Variants in ADAR observed in about 807,000 individuals in gnomAD.
ADAR encodes the protein double-stranded RNA-specific adenosine deaminase.
A neutral mutation model predicts 113.2 loss-of-function variants in ADAR; 41 were observed. That is an observed-to-expected ratio of 0.36 (90% CI 0.28 to 0.47). ADAR has a LOEUF of 0.47. Ranked by LOEUF, ADAR falls within the 20% of genes least tolerant of loss-of-function variation. ADAR has a pLI of 1.00. For synonymous variants in ADAR, 605 were observed against 572.6 expected (o/e 1.06, Z -0.81); for missense variants, 1,242 against 1,540.9 (o/e 0.81, Z 3.25).
intron 11 of ADAR, among the ~76,000 whole-genome samples, chr1:154,586,860 C>T (rs750624589): frequency 1.1e-4 from 16 of 151,842 alleles, no homozygotes; most frequent in African/African-American, 3.9e-4. Flanking sequence ...AGAGCATATG[C>T]GAGGGATGGG....
intron 1 of ADAR, among the ~76,000 whole-genome samples, chr1:154,623,040 T>G (rs1474797284): frequency 6.6e-6 from 1 of 150,524 alleles, no homozygotes; most frequent in Non-Finnish European, 1.5e-5. Context: ...TAGCTAAGGG[T>G]AGGAGATAAG....
chr1:154,610,840 A>AAAAAAAAAAAC (rs1698465389), upstream of ADAR, among the ~76,000 whole-genome samples: 1 of 144,796 alleles, frequency 6.9e-6, no homozygotes. Flanking sequence ...AAAAAAAAAA[A>AAAAAAAAAAAC]AGACAAAATT....
chr1:154,596,663 G>C, intron 6 of ADAR, 142 bp downstream of exon 6: 1 of 862,124 alleles, frequency 1.2e-6, no homozygotes, highest in Non-Finnish European at 1.9e-6. Context: ...TGTCTTCTAA[G>C]AGGCCGTGGA....
In ADAR at chr1:154,590,135, A is replaced by AGGCGGGGGGGGGGGGGGG; in HGVS notation, c.2496+48_2496+49insCCCCCCCCCCCCCCCGCC. The AGGCGGGGGGGGGGGGGGG allele has an allele frequency of 7.5e-6, 9 of 1,205,018 alleles. No homozygotes were observed. In the East Asian group the frequency reaches 7.6e-5, roughly 10 times the overall value. The allele number at this position is 1,205,018 out of a possible 1,614,324, so 74.6% of individuals were successfully genotyped here. On this transcript the variant is annotated intron_variant, in intron 7 of 14. Transcript: ENST00000368474. ...CAAGAGCCACCTCCACTTAGGAGTT[A>AGGCGGGGGGGGGGGGGGG]GGAGGACCCCCCCGCCCCAAAAAAG...
chr1:154,589,725 T>C (rs755823017), intron 8 of ADAR, 32 bp downstream of exon 8: 78 of 1,613,842 alleles, frequency 4.8e-5, no homozygotes, highest in Non-Finnish European at 6.4e-5. Flanking sequence ...TCAGGCGCCA[T>C]GGGAGGCGGC....
In ADAR at chr1:154,583,886, T is replaced by C. The variant is rs1375096295; in HGVS notation, c.*920A>G. The C allele has an allele frequency of 1.3e-5, 2 of 152,224 alleles. No homozygotes were observed. The highest frequency in any genetic ancestry group is 4.8e-5 in the African/African-American group (2 of 41,462). The allele number at this position is 152,224 out of a possible 1,614,324, so 9.4% of individuals were successfully genotyped here. A position where few individuals can be genotyped will look rare whatever the true frequency, so the allele number is the denominator to read the frequency against. On this transcript the variant is annotated 3_prime_UTR_variant, in exon 15 of 15. Transcript: ENST00000368474. ...GAGATGATTTTATACCCTCTAGGAT[T>C]TGTCCCGTTGGCTAGGGTGTACGCC... is the stretch of plus-strand genomic sequence containing the variant.
chr1:154,623,230 G>A (rs1265007219), intron 1 of ADAR, among the ~76,000 whole-genome samples: 6 of 152,176 alleles, frequency 3.9e-5, no homozygotes, highest in Non-Finnish European at 8.8e-5. Flanking sequence ...AAGGCTTCTG[G>A]GAGAAGCATG....
At chr1:154,627,296 C>G (rs1698968446) in intron 1 of ADAR, among the ~76,000 whole-genome samples, 1 of 152,234 alleles carries the variant, frequency 6.6e-6, no homozygotes, top group African/African-American at 2.4e-5. Context: ...AGCGCGGCGG[C>G]CGTGACCCCG....
At chr1:154,610,586 G>A (rs887500072), upstream of ADAR, among the ~76,000 whole-genome samples, 2 of 151,988 alleles carry the variant, frequency 1.3e-5, no homozygotes, top group South Asian at 2.1e-4. Context: ...CGAGGTGGGC[G>A]GATCACGAGG....
At chr1:154,598,295 C>T in intron 3 of ADAR, 107 bp downstream of exon 3, 1 of 1,277,350 alleles carries the variant, frequency 7.8e-7, no homozygotes, top group South Asian at 1.2e-5. Context: ...GGGAAGCTGA[C>T]TCCGAGATGG....
At chr1:154,590,140 G>GGGC in intron 7 of ADAR, 44 bp downstream of exon 7, 2 of 1,373,182 alleles carry the variant, frequency 1.5e-6, no homozygotes, top group Non-Finnish European at 2.0e-6. Flanking sequence ...GAGTTAGGAG[G>GGGC]ACCCCCCCGC....
chr1:154,600,857 G>A, intron 2 of ADAR, 184 bp downstream of exon 2: 1 of 827,524 alleles, frequency 1.2e-6, no homozygotes, highest in Non-Finnish European at 2.0e-6. Flanking sequence ...CTGGTCCAAG[G>A]TCTATATTCC....
Position 154,605,432 on chromosome 1 carries a change from C to A in ADAR, c.15+2560G>T, listed in dbSNP as rs535710587. 8.4e-5 allele frequency among the ~76,000 whole-genome samples: 6 copies of A among 71,120 alleles called. No individual in the cohort carries two copies. In the South Asian group the frequency reaches 4.3e-3, roughly 51 times the overall value. The allele number at this position is 71,120 out of a possible 152,430, so 46.7% of individuals were successfully genotyped here. On this transcript the variant is annotated intron_variant, in intron 1 of 14. Transcript: ENST00000368474. ...TTTACTTTCCCTCGTATCAGAGCTA[C>A]TGGATTTTTTTTTTTTTTATGGCAC...
Position 154,598,415 on chromosome 1 carries a change from TTC to T in ADAR, c.1770_1771del (p.Lys591ArgfsTer30). The T allele has an allele frequency of 6.2e-7, 1 of 1,614,188 alleles. No individual in the cohort carries two copies. The highest frequency in any genetic ancestry group is 8.5e-7 in the Non-Finnish European group (1 of 1,180,024). On this transcript the variant is annotated frameshift_variant, in exon 3 of 15. Transcript: ENST00000368474. LOFTEE classifies it high-confidence loss of function. ...GAGGACACCTACCTTCTCTGATTCT[TTC>T]TCTGTGGAATAGTGGGATGATTCTT...
At chr1:154,617,200 T>C (rs565014157) in intron 1 of ADAR, among the ~76,000 whole-genome samples, 39 of 152,296 alleles carry the variant, frequency 2.6e-4, no homozygotes, top group Non-Finnish European at 4.9e-4. Flanking sequence ...TTGGAGACTT[T>C]GATTTCCTAA....
intron 7 of ADAR, 43 bp downstream of exon 7, chr1:154,590,141 A>AGG: frequency 5.3e-6 from 4 of 760,840 alleles, no homozygotes; most frequent in Non-Finnish European, 8.8e-6. Flanking sequence ...AGTTAGGAGG[A>AGG]CCCCCCCGCC....
At chr1:154,618,421 C>T (rs1467614610) in intron 1 of ADAR, among the ~76,000 whole-genome samples, 1 of 152,058 alleles carries the variant, frequency 6.6e-6, no homozygotes, top group East Asian at 1.9e-4. Flanking sequence ...GAGTGGATAC[C>T]TGACAAAATG....
Position 154,586,251 on chromosome 1 carries a change from G to C in ADAR, c.3132C>G (p.Asn1044Lys). Residue 1044 changes from asparagine (N) to lysine (K), a missense_variant, in exon 12 of 15, where the codon AAC (asparagine) becomes AAG (lysine). Asn to Lys is a moderately conservative substitution (Grantham distance 94, BLOSUM62 0). Transcript: ENST00000368474. ...MSCSDKILRW[N>K]VLGLQGALLT... ...ACAGTGCCCCTTGCAGGCCCAGCAC[G>C]TTCCAGCGTAGGATTTTGTCACTAC... 6.2e-7 allele frequency: 1 copy of C among 1,614,206 alleles called. No homozygotes were observed.
At chr1:154,609,680 C>T (rs1698417692), upstream of ADAR, among the ~76,000 whole-genome samples, 1 of 152,178 alleles carries the variant, frequency 6.6e-6, no homozygotes, top group African/African-American at 2.4e-5. Context: ...AGTTACTGGG[C>T]GCCTACCCCT....
Sources: allele counts gnomAD v4.1 joint callset (sites outside exome capture counted in the v4.1 genomes callset), GRCh38; gene constraint gnomAD v4.1.1; transcripts MANE v1.5; gene names NCBI Gene and HGNC (gene_info 2026-07-23, HGNC 2026-07-21).